KCNK6: variants seen among roughly 807,000 people sequenced by gnomAD.
KCNK6 encodes the protein potassium two pore domain channel subfamily K member 6.
A neutral mutation model predicts 21.9 loss-of-function variants in KCNK6; 20 were observed. The observed-to-expected ratio is 0.91, with a 90% CI of 0.64 to 1.32. The LOEUF is 1.32. Among genes scored for constraint, KCNK6 ranks in the 40% most tolerant of loss-of-function variants. KCNK6 has a pLI of 0.00. For synonymous variants in KCNK6, 210 were observed against 218.0 expected, an observed-to-expected ratio of 0.96 and a Z score of 0.32; for missense variants, 415 against 433.1, an observed-to-expected ratio of 0.96 and a Z score of 0.37.
At position 38,329,563 on chromosome 19, in the gene KCNK6, CAGGGAAAG is replaced by C. The variant is rs1431692302; in HGVS notation, c.*2167_*2174del. ...CAAGCAGTTTAGTATGAACGGTATGCAGGGAAAGAGGGAAGGAGGGCAGAGGGGTGCGC... is the reference window on the plus strand; with the variant it reads ...CAAGCAGTTTAGTATGAACGGTATGCAGGGAAGGAGGGCAGAGGGGTGCGC... On this transcript the variant is annotated 3_prime_UTR_variant, in exon 3 of 3. Coordinates refer to ENST00000263372, the MANE Select transcript of KCNK6 (RefSeq NM_004823.3). The C allele has an allele frequency of 6.6e-6, 1 of 151,990 alleles. No individual in the cohort carries two copies. Among genetic ancestry groups the C allele is most frequent in the African/African-American group, 2.4e-5 (1 of 41,326 alleles). 9.4% of individuals were successfully genotyped at this position (151,990 alleles called of 1,614,324 possible).
At chr19:38,323,913 G>A (rs893228151) in intron 1 of KCNK6, among the ~76,000 whole-genome samples, 1 of 151,176 alleles carries the variant, frequency 6.6e-6, no homozygotes. Flanking sequence ...TTGCTTACGA[G>A]CCCATTTTTG....
intron 1 of KCNK6, among the ~76,000 whole-genome samples, chr19:38,322,209 C>A (rs1295209447): frequency 6.6e-6 from 1 of 152,184 alleles, no homozygotes; most frequent in Admixed American, 6.6e-5. Context: ...TCTAGAGTCC[C>A]ATGCTGCTAG....
At position 38,327,658 on chromosome 19, in the gene KCNK6, TCTCTCTGG is replaced by T; in HGVS notation, c.*265_*272del. On this transcript the variant is annotated 3_prime_UTR_variant, in exon 3 of 3. Transcript: ENST00000263372. ...TTTCTCTCATCCTCTTTACACTGTG[TCTCTCTGG>T]CTCTCTGGCATTCTCGCTGCCTCTG... The T allele has an allele frequency of 1.9e-6, 1 of 535,162 alleles. No homozygotes were observed. Among genetic ancestry groups the T allele is most frequent in the Non-Finnish European group, 3.4e-6 (1 of 297,500 alleles). 33.2% of individuals were successfully genotyped at this position (535,162 alleles called of 1,614,324 possible). A position where few individuals can be genotyped will look rare whatever the true frequency, so the allele number is the denominator to read the frequency against.
intron 1 of KCNK6, among the ~76,000 whole-genome samples, chr19:38,321,822 T>C (rs983029007): frequency 1.3e-5 from 2 of 152,198 alleles, no homozygotes; most frequent in African/African-American, 4.8e-5. Flanking sequence ...TGTGCACGCC[T>C]CCTACCTCTT....
chr19:38,327,288 C>G lies in KCNK6; in HGVS notation c.827C>G (p.Pro276Arg), dbSNP rs752767707. Residue 276 changes from proline (P) to arginine (R), a missense_variant, in exon 3 of 3, where the codon CCT becomes CGT. Pro to Arg is a moderately radical substitution (Grantham distance 103). Transcript: ENST00000263372. ...CTCATCCTGCTGCCCCCTCCGTGCCCTGCCAGTTTCAATGCGGATGAGGAC... is the reference window on the plus strand; with the variant it reads ...CTCATCCTGCTGCCCCCTCCGTGCCGTGCCAGTTTCAATGCGGATGAGGAC... Reference protein sequence around the residue: ...TELILLPPPCPASFNADEDDR... With the variant: ...TELILLPPPCRASFNADEDDR... The G allele has an allele frequency of 1.3e-5, 21 of 1,613,648 alleles. No homozygotes were observed. The highest frequency in any genetic ancestry group is 1.8e-5 in the Non-Finnish European group (21 of 1,180,034).
chr19:38,325,370 C>T (rs760252959), intron 1 of KCNK6: 21 of 980,528 alleles, frequency 2.1e-5, no homozygotes, highest in Non-Finnish European at 2.4e-5. Flanking sequence ...CCGCCTAGGC[C>T]TCCCAAAGTG....
At position 38,320,144 on chromosome 19, in the gene KCNK6, G is replaced by T. The variant is rs1278113736; in HGVS notation, c.194G>T (p.Arg65Leu). 1.9e-6 allele frequency: 3 copies of T among 1,593,400 alleles called. No individual in the cohort carries two copies. The highest frequency in any genetic ancestry group is 2.5e-6 in the Non-Finnish European group (3 of 1,176,862). ...CCCGCCCTGGACGCCTTCGTGGAGC[G>T]AGTGCTGGCGGCCGGACGGCTGGGG... is the stretch of plus-strand genomic sequence containing the variant. The part of the protein sequence containing the change: ...AAPALDAFVE[R>L]VLAAGRLGRV... The change falls in exon 1 of 3, where the codon CGA (arginine) becomes CTA (leucine). Residue 65 changes from arginine to leucine, a missense_variant. Physicochemically the swap from Arg to Leu is moderately radical, Grantham distance 102. Coordinates refer to ENST00000263372, the MANE Select transcript of KCNK6 (RefSeq NM_004823.3).
In KCNK6 at chr19:38,331,740, C is replaced by T. The variant is rs1257756533; in HGVS notation, c.*4337C>T. On this transcript the variant is annotated 3_prime_UTR_variant, in exon 3 of 3. Transcript: ENST00000263372. ...CAGATCATGGATGGATGTCTCAGGT[C>T]TTCCCAGGCACATTTGATGTTATGT... 4 of 152,136 alleles carry T rather than the reference C, an allele frequency of 2.6e-5. No homozygotes were observed. The highest frequency in any genetic ancestry group is 4.4e-5 in the Non-Finnish European group (3 of 68,032). 9.4% of individuals were successfully genotyped at this position (152,136 alleles called of 1,614,324 possible). A position where few individuals can be genotyped will look rare whatever the true frequency, so the allele number is the denominator to read the frequency against.
rs780226256 is a variant in KCNK6, at chr19:38,326,877, G to A, written c.607G>A (p.Asp203Asn). The A allele has an allele frequency of 1.9e-6, 3 of 1,612,094 alleles. No individual in the cohort carries two copies. Among genetic ancestry groups the A allele is most frequent in the Non-Finnish European group, 2.5e-6 (3 of 1,179,992 alleles). Residue 203 changes from aspartate (D) to asparagine (N), a missense_variant, in exon 2 of 3, where the codon GAT becomes AAT. Physicochemically the swap from Asp to Asn is conservative, Grantham distance 23. Coordinates refer to ENST00000263372, the MANE Select transcript of KCNK6 (RefSeq NM_004823.3). ...AHLEEAWSFL[D>N]AFYFCFISLS... The stretch of plus-strand genomic sequence containing the variant: ...CCTCGAGGAGGCCTGGAGCTTCTTG[G>A]ATGCCTTCTACTTCTGCTTTATCTC...
chr19:38,323,452 C>T (rs1969674662), intron 1 of KCNK6, among the ~76,000 whole-genome samples: 2 of 152,122 alleles, frequency 1.3e-5, no homozygotes, highest in Admixed American at 1.3e-4. Context: ...CCTTGCTGCA[C>T]TTGAGGCAGG....
At chr19:38,323,910 C>T (rs999352993) in intron 1 of KCNK6, among the ~76,000 whole-genome samples, 1 of 150,662 alleles carries the variant, frequency 6.6e-6, no homozygotes, top group Non-Finnish European at 1.5e-5. Flanking sequence ...GGATTGCTTA[C>T]GAGCCCATTT....
rs753992287 is a variant in KCNK6 at position 38,327,237 on chromosome 19, T to G, written c.776T>G (p.Val259Gly). The change falls in exon 3 of 3, where the codon GTG becomes GGG. Residue 259 changes from valine (V) to glycine (G), a missense_variant. Transcript: ENST00000263372. ...MVLVLQTFRHVSDLHGLTELI... is the reference protein window; with the variant it reads ...MVLVLQTFRHGSDLHGLTELI... ...CTGGTGCTGCAGACCTTCCGCCACGTGTCCGACCTCCACGGCCTCACGGAG... is the reference window on the plus strand; with the variant it reads ...CTGGTGCTGCAGACCTTCCGCCACGGGTCCGACCTCCACGGCCTCACGGAG... 125 of 1,613,600 alleles carry G rather than the reference T, an allele frequency of 7.7e-5. No individual in the cohort carries two copies. The Admixed American group carries it at 1.1e-3, about 14-fold the overall frequency.
intron 1 of KCNK6, 84 bp from the exon 2 acceptor site, chr19:38,326,509 C>T (rs965279989): frequency 6.9e-6 from 10 of 1,453,606 alleles, no homozygotes; most frequent in Non-Finnish European, 5.6e-6. Flanking sequence ...TATGATGGCA[C>T]CGCTGCACTC....
chr19:38,327,826 C>G lies in KCNK6; in HGVS notation c.*423C>G. 4.5e-6 allele frequency: 1 copy of G among 222,140 alleles called. No individual in the cohort carries two copies. Among genetic ancestry groups the G allele is most frequent in the Non-Finnish European group, 9.2e-6 (1 of 109,072 alleles). 13.8% of individuals were successfully genotyped at this position (222,140 alleles called of 1,614,324 possible). ...ATTTCAGGCACCAGATTGGTCGCTA[C>G]ACCCTGGACAAGTGACTGCCCGTCT... On this transcript the variant is annotated 3_prime_UTR_variant, in exon 3 of 3. Coordinates refer to ENST00000263372, the MANE Select transcript of KCNK6 (RefSeq NM_004823.3).
chr19:38,326,269 C>G (rs1969705783), intron 1 of KCNK6, among the ~76,000 whole-genome samples: 1 of 152,142 alleles, frequency 6.6e-6, no homozygotes, highest in Non-Finnish European at 1.5e-5. Flanking sequence ...TTTTCCCTGG[C>G]TGGGTCCTGG....
intron 1 of KCNK6, chr19:38,324,982 G>C (rs1357243306): frequency 6.6e-6 from 1 of 151,012 alleles, no homozygotes; most frequent in Non-Finnish European, 1.5e-5. Context: ...GTACAGTTCT[G>C]TGACATTAAA....
chr19:38,330,140 G>A lies in KCNK6; in HGVS notation c.*2737G>A, dbSNP rs1969755863. The A allele has an allele frequency of 1.3e-5, 2 of 151,000 alleles. No homozygotes were observed. Among genetic ancestry groups the A allele is most frequent in the South Asian group, 2.1e-4 (1 of 4,786 alleles). 9.4% of individuals were successfully genotyped at this position (151,000 alleles called of 1,614,324 possible). On this transcript the variant is annotated 3_prime_UTR_variant, in exon 3 of 3. Transcript: ENST00000263372. ...GAGGTCAGGAGTTCAAGACCAGCCT[G>A]GCCAACATGGTGAAACCCCGTCTCT...
intron 1 of KCNK6, among the ~76,000 whole-genome samples, chr19:38,321,274 G>A (rs1317305998): frequency 9.2e-5 from 14 of 152,218 alleles, no homozygotes; most frequent in Middle Eastern, 3.4e-3. Flanking sequence ...CTCTGCTCCA[G>A]ACTGTCATCT....
At chr19:38,320,892 G>T (rs1474644377) in intron 1 of KCNK6, among the ~76,000 whole-genome samples, 1 of 151,996 alleles carries the variant, frequency 6.6e-6, no homozygotes, top group African/African-American at 2.4e-5. Flanking sequence ...TTGGTGACCC[G>T]GGTCTGTCCA....
Sources: allele counts gnomAD v4.1 joint callset (sites outside exome capture counted in the v4.1 genomes callset), GRCh38; gene constraint gnomAD v4.1.1; transcripts MANE v1.5; gene names NCBI Gene and HGNC (gene_info 2026-07-23, HGNC 2026-07-21).